The following RUNX1T1 variants were observed in gnomAD, a reference collection of about 807,000 sequenced individuals.
RUNX1T1 encodes RUNX1 partner transcriptional co-repressor 1, also known as protein CBFA2T1.
RUNX1T1 carries 4 observed loss-of-function variants against 62.8 expected under a neutral mutation model. That is an observed-to-expected ratio of 0.06 (90% CI 0.03 to 0.15). The LOEUF is 0.15. RUNX1T1 is among the 10% of genes least tolerant of loss of function. RUNX1T1 has a pLI of 1.00. For missense variants in RUNX1T1, 508 were observed against 754.3 expected, an observed-to-expected ratio of 0.67 and a Z score of 3.82; for synonymous variants, 291 against 286.0, an observed-to-expected ratio of 1.02 and a Z score of -0.18.
chr8:92,086,645 T>G (rs1180940122), intron 1 of RUNX1T1, among the ~76,000 whole-genome samples: 2 of 152,200 alleles, frequency 1.3e-5, no homozygotes, highest in Non-Finnish European at 2.9e-5. Flanking sequence ...TGTGATTCTA[T>G]GAGTCTGGGG....
intron 2 of RUNX1T1, among the ~76,000 whole-genome samples, chr8:92,069,218 T>C (rs373094524): frequency 6.6e-6 from 1 of 151,938 alleles, no homozygotes; most frequent in African/African-American, 2.4e-5. Context: ...TTTCAATGCA[T>C]TGAAAGAACT....
intron 1 of RUNX1T1, among the ~76,000 whole-genome samples, chr8:92,038,046 C>CTTTCTTTCTTTATTTATTTA (rs71563485): frequency 1.0e-4 from 15 of 149,984 alleles, no homozygotes; most frequent in African/African-American, 3.7e-4. Context: ...CAAAATTCTT[C>CTTTCTTTCTTTATTTATTTA]TTTATTTATT....
intron 4 of RUNX1T1, chr8:92,009,910 G>A (rs990224504): frequency 6.6e-6 from 1 of 152,130 alleles, no homozygotes; most frequent in Non-Finnish European, 1.5e-5. Context: ...CTGGTTTGTA[G>A]GTACTCACAA....
At chr8:92,060,421 T>C (rs1189295562) in intron 1 of RUNX1T1, among the ~76,000 whole-genome samples, 1 of 151,022 alleles carries the variant, frequency 6.6e-6, no homozygotes, top group Non-Finnish European at 1.5e-5. Context: ...TGCACATCTG[T>C]TTCCAGGGAT....
intron 1 of RUNX1T1, among the ~76,000 whole-genome samples, chr8:92,044,341 A>C (rs1357768647): frequency 3.3e-5 from 5 of 152,232 alleles, no homozygotes; most frequent in African/African-American, 7.2e-5. Context: ...ATGTTTTGTG[A>C]ATGAGTAAAC....
chr8:92,064,771 G>A (rs1440467805), upstream of RUNX1T1, among the ~76,000 whole-genome samples: 3 of 152,184 alleles, frequency 2.0e-5, no homozygotes, highest in Non-Finnish European at 2.9e-5. Context: ...GATGATATCC[G>A]GCTTTAAAAT....
intron 1 of RUNX1T1, among the ~76,000 whole-genome samples, chr8:92,040,276 A>C (rs992998408): frequency 2.6e-5 from 4 of 152,170 alleles, no homozygotes; most frequent in African/African-American, 9.7e-5. Flanking sequence ...TTTGGGCTCT[A>C]TTTTACATAC....
chr8:92,074,450 T>C (rs1834132503), intron 2 of RUNX1T1, among the ~76,000 whole-genome samples: 1 of 152,170 alleles, frequency 6.6e-6, no homozygotes, highest in African/African-American at 2.4e-5. Flanking sequence ...ATCTGCATCT[T>C]AGATATCTTT....
At position 92,007,357 on chromosome 8, in the gene RUNX1T1, C is replaced by T. The variant is rs568433856; in HGVS notation, c.478-2060G>A. ...TGGCACGCACCTGTAATCCCAGCTA[C>T]GTGGGAGTCTGAGGCAAGAGAATAG... On this transcript the variant is annotated intron_variant, in intron 4 of 10. Transcript: ENST00000396218. Among the ~76,000 whole-genome samples, 11 of 151,956 alleles carry T rather than the reference C, an allele frequency of 7.2e-5. No homozygotes were observed. In the South Asian group the frequency reaches 1.2e-3, roughly 17 times the overall value.
chr8:91,963,332 T>C (rs1272003217), intron 10 of RUNX1T1, among the ~76,000 whole-genome samples: 1 of 152,194 alleles, frequency 6.6e-6, no homozygotes, highest in African/African-American at 2.4e-5. Context: ...AAAGAGCAAT[T>C]TTAATGATCT....
chr8:91,975,614 A>T (rs550948215), intron 9 of RUNX1T1, among the ~76,000 whole-genome samples: 1 of 152,284 alleles, frequency 6.6e-6, no homozygotes, highest in African/African-American at 2.4e-5. Context: ...TTCAGCCTGA[A>T]ATCATTATGG....
chr8:91,993,157 A>G (rs1459599657), intron 5 of RUNX1T1, among the ~76,000 whole-genome samples: 2 of 152,110 alleles, frequency 1.3e-5, no homozygotes, highest in Non-Finnish European at 2.9e-5. Flanking sequence ...TAGTAAAACA[A>G]CAGCATAGAG....
At position 91,991,927 on chromosome 8, in the gene RUNX1T1, A is replaced by G. The variant is rs768192720; in HGVS notation, c.660-38T>C. 7 of 1,610,534 alleles carry G rather than the reference A, an allele frequency of 4.3e-6. No homozygotes were observed. In the South Asian group the frequency reaches 7.7e-5, roughly 18 times the overall value. On this transcript the variant is annotated intron_variant, in intron 5 of 10. Coordinates refer to ENST00000396218, the Ensembl canonical transcript of RUNX1T1. ...AAAACAAGAGTTTGTTTCATCATCT[A>G]TTCAGAAACCAGCACAGTTCAGTCA...
chr8:91,973,063 G>T (rs1277147730), intron 9 of RUNX1T1, among the ~76,000 whole-genome samples: 1 of 151,880 alleles, frequency 6.6e-6, no homozygotes, highest in African/African-American at 2.4e-5. Flanking sequence ...GTTATTGGGG[G>T]CAATGTGAAA....
chr8:92,101,180 T>A (rs755597784), upstream of RUNX1T1, among the ~76,000 whole-genome samples: 1 of 152,206 alleles, frequency 6.6e-6, no homozygotes, highest in East Asian at 1.9e-4. Context: ...AAAAAATCCC[T>A]GTAAAACACA....
At chr8:92,100,017 G>A (rs1563954301), upstream of RUNX1T1, among the ~76,000 whole-genome samples, 1 of 151,902 alleles carries the variant, frequency 6.6e-6, no homozygotes, top group Non-Finnish European at 1.5e-5. Flanking sequence ...CTAACATCAA[G>A]AGCAATATTT....
chr8:92,024,969 C>A (rs1824861572), intron 1 of RUNX1T1, among the ~76,000 whole-genome samples: 1 of 152,154 alleles, frequency 6.6e-6, no homozygotes, highest in Admixed American at 6.5e-5. Context: ...ATGTGTATTG[C>A]ATTCTTGGTC....
At chr8:92,007,967 C>CA (rs34232877) in intron 4 of RUNX1T1, among the ~76,000 whole-genome samples, 23,372 of 84,974 alleles carry the variant, frequency 0.28, 2,416 homozygotes, top group Non-Finnish European at 0.31. Flanking sequence ...GACTTTGTTT[C>CA]AAAAAAAAAA....
intron 4 of RUNX1T1, among the ~76,000 whole-genome samples, chr8:92,008,392 A>T (rs1474747140): frequency 0.048 from 4,458 of 92,084 alleles, 207 homozygotes; most frequent in African/African-American, 0.15. Flanking sequence ...TCTCTCTCAC[A>T]CACACACACA....
Sources: gnomAD v4.1 joint callset for allele counts (sites outside exome capture counted in the v4.1 genomes callset) on GRCh38, gnomAD v4.1.1 for gene constraint, MANE v1.5 for transcripts, NCBI Gene and HGNC (gene_info 2026-07-23, HGNC 2026-07-21) for gene names.